Variants in FOXN4 observed in about 807,000 individuals in gnomAD.
FOXN4 encodes forkhead box protein N4.
FOXN4 carries 12 observed loss-of-function variants against 45.0 expected under a neutral mutation model. The ratio of observed to expected loss-of-function variants is 0.27; its 90% CI spans 0.17 to 0.43. FOXN4 has a LOEUF of 0.43. FOXN4 is among the 20% of genes least tolerant of loss of function. FOXN4 has a pLI of 1.00. For synonymous variants in FOXN4, 297 were observed against 295.0 expected, an observed-to-expected ratio of 1.01 and a Z score of -0.07; for missense variants, 560 against 694.9, an observed-to-expected ratio of 0.81 and a Z score of 2.18.
chr12:109,280,811 T>G (rs932738753), intron 9 of FOXN4, among the ~76,000 whole-genome samples: 1 of 152,222 alleles, frequency 6.6e-6, no homozygotes, highest in Non-Finnish European at 1.5e-5. Flanking sequence ...GAAATTCCCT[T>G]GTTCGTTCAT....
At chr12:109,282,252 G>A (rs1216535278) in intron 8 of FOXN4, among the ~76,000 whole-genome samples, 1 of 152,122 alleles carries the variant, frequency 6.6e-6, no homozygotes, top group Non-Finnish European at 1.5e-5. Flanking sequence ...TTCAAGATTA[G>A]CCTGAACAAC....
chr12:109,280,282 G>C (rs1412407288), intron 9 of FOXN4, among the ~76,000 whole-genome samples: 2 of 148,528 alleles, frequency 1.3e-5, no homozygotes, highest in Middle Eastern at 7.1e-3. Context: ...GTTGGAGGCT[G>C]CAGTGAGCAG....
chr12:109,286,783 A>ACAGGG (rs929790101), intron 6 of FOXN4, 39 bp from the exon 7 acceptor site: 113 of 1,574,564 alleles, frequency 7.2e-5, no homozygotes, highest in Non-Finnish European at 8.7e-5. Context: ...GCAGGGCAGG[A>ACAGGG]CAGGGCAGGC....
intron 7 of FOXN4, 45 bp downstream of exon 7, chr12:109,286,603 G>A: frequency 1.9e-6 from 3 of 1,560,394 alleles, no homozygotes; most frequent in Non-Finnish European, 1.7e-6. Flanking sequence ...GCACCAGGAA[G>A]AGACCAGGGC....
chr12:109,299,561 T>C (rs1044371352), intron 2 of FOXN4, among the ~76,000 whole-genome samples: 2 of 152,066 alleles, frequency 1.3e-5, no homozygotes, highest in Non-Finnish European at 2.9e-5. Flanking sequence ...CCTCCCTCCT[T>C]AGGCCTCGAT....
intron 8 of FOXN4, among the ~76,000 whole-genome samples, chr12:109,283,781 T>C (rs913578670): frequency 3.9e-5 from 6 of 152,206 alleles, no homozygotes; most frequent in African/African-American, 1.4e-4. Context: ...CGGCCTAACA[T>C]TTATTTATGT....
At chr12:109,294,718 T>G (rs920221) in intron 2 of FOXN4, among the ~76,000 whole-genome samples, 80,437 of 151,666 alleles carry the variant, frequency 0.53, 21,970 homozygotes, top group African/African-American at 0.63. Flanking sequence ...CATGGCAAGG[T>G]CCAGGGGCTG....
chr12:109,290,165 G>C lies in FOXN4; in HGVS notation c.208C>G (p.Pro70Ala), dbSNP rs1163850796. The change falls in exon 3 of 10, where the codon CCC becomes GCC. Residue 70 changes from proline to alanine, a missense_variant. Coordinates refer to ENST00000299162, the MANE Select transcript of FOXN4 (RefSeq NM_213596.3). The surrounding 1 kb of genome is among the most constrained non-coding windows in gnomAD (Gnocchi z 5.1). The part of the protein sequence containing the change: ...MASGRVDLGG[P>A]CVPHPHPGAL... The stretch of plus-strand genomic sequence containing the variant: ...CCTGGGTGTGGATGTGGCACGCAGG[G>C]GCCACCCAGGTCCACGCGGCCACTT... 6.4e-7 allele frequency: 1 copy of C among 1,550,656 alleles called. No homozygotes were observed. The highest frequency in any genetic ancestry group is 1.4e-5 in the African/African-American group (1 of 73,110).
chr12:109,284,781 G>A (rs2047688360), intron 8 of FOXN4, among the ~76,000 whole-genome samples: 1 of 151,122 alleles, frequency 6.6e-6, no homozygotes, highest in African/African-American at 2.4e-5. Context: ...GTGTGCATTT[G>A]TGTGTGTGCG....
At chr12:109,280,397 G>A (rs2047641866) in intron 9 of FOXN4, among the ~76,000 whole-genome samples, 2 of 150,244 alleles carry the variant, frequency 1.3e-5, no homozygotes, top group Admixed American at 6.6e-5. Flanking sequence ...CAGCAGCCCC[G>A]GGCCCTCACC....
intron 9 of FOXN4, among the ~76,000 whole-genome samples, chr12:109,281,027 T>G (rs1011414667): frequency 6.6e-6 from 1 of 152,182 alleles, no homozygotes; most frequent in Admixed American, 6.5e-5. Context: ...GTTTCCTCAT[T>G]GGCAGAACAG....
At chr12:109,297,144 A>G (rs1005004718) in intron 2 of FOXN4, among the ~76,000 whole-genome samples, 1 of 152,096 alleles carries the variant, frequency 6.6e-6, no homozygotes, top group African/African-American at 2.4e-5. Flanking sequence ...GAGGTCAACA[A>G]CCTCCAGGCT....
At chr12:109,285,604 G>A (rs2047702573) in intron 7 of FOXN4, 93 bp from the exon 8 acceptor site, 15 of 1,299,032 alleles carry the variant, frequency 1.2e-5, no homozygotes, top group Non-Finnish European at 1.3e-5. Context: ...GCAGGACACC[G>A]CGGTGGCAGG....
At chr12:109,301,561 A>G (rs1014676345) in intron 2 of FOXN4, among the ~76,000 whole-genome samples, 1 of 152,172 alleles carries the variant, frequency 6.6e-6, no homozygotes, top group African/African-American at 2.4e-5. Flanking sequence ...ACTCATCTTA[A>G]GATCACTGTA....
rs979439530 is a variant in FOXN4 at position 109,290,230 on chromosome 12, C to T, written c.143G>A (p.Trp48Ter). 1 of 1,551,528 alleles carries T rather than the reference C, an allele frequency of 6.4e-7. No homozygotes were observed. The highest frequency in any genetic ancestry group is 8.7e-7 in the Non-Finnish European group (1 of 1,146,928). ...CCGAGGCACATCCACCGCCGTGAGC[C>T]ACGACAGCGACTGCAGGTCCCCGGG... The part of the protein sequence containing the change: ...DLPGDLQSLS[W>*]LTAVDVPRLQ... The change falls in exon 3 of 10, where the codon TGG (tryptophan) becomes TAG (stop). Residue 48 changes from tryptophan to a stop codon, truncating the protein, a stop_gained. Transcript: ENST00000299162. LOFTEE classifies it high-confidence loss of function. The surrounding 1 kb of genome is among the most constrained non-coding windows in gnomAD (Gnocchi z 5.1).
intron 2 of FOXN4, among the ~76,000 whole-genome samples, chr12:109,307,203 C>T (rs2047928978): frequency 6.6e-6 from 1 of 152,250 alleles, no homozygotes. Flanking sequence ...TCTGTCCCAG[C>T]AGGCACTCCT....
intron 2 of FOXN4, among the ~76,000 whole-genome samples, chr12:109,295,598 C>T (rs1566002712): frequency 6.6e-6 from 1 of 152,224 alleles, no homozygotes; most frequent in Non-Finnish European, 1.5e-5. Context: ...CCAGCCTGGC[C>T]AACATGGCGA....
Position 109,279,818 on chromosome 12 carries a change from C to T in FOXN4, c.1407G>A (p.Ser469=), listed in dbSNP as rs374897814. 4.3e-5 allele frequency: 70 copies of T among 1,612,788 alleles called. 1 individual carries two copies. Among genetic ancestry groups the T allele is most frequent in the African/African-American group, 2.5e-4 (19 of 75,050 alleles). ...CTGGGAAGGACTGGTCGCTGCCACC[C>T]GAGGCAGGGGTTAGGCCTGAGGCCC... The part of the protein sequence containing the change: ...DLGASGLTPA[S]GGSDQSFPDL... Residue 469 remains serine, a synonymous_variant, in exon 10 of 10, where the codon TCG becomes TCA. Coordinates refer to ENST00000299162, the MANE Select transcript of FOXN4 (RefSeq NM_213596.3).
At position 109,291,174 on chromosome 12, in the gene FOXN4, A is replaced by G. The variant is rs2047764066; in HGVS notation, c.87-888T>C. On this transcript the variant is annotated intron_variant, in intron 2 of 9. Coordinates refer to ENST00000299162, the MANE Select transcript of FOXN4 (RefSeq NM_213596.3). The surrounding 1 kb of genome is among the most constrained non-coding windows in gnomAD (Gnocchi z 6.6). ...ACATCGGTTGTAGTGGATGTAGGAT[A>G]GCTGCCCATGGAGGTGCCAGACAGG... is the stretch of plus-strand genomic sequence containing the variant. 6.6e-6 allele frequency among the ~76,000 whole-genome samples: 1 copy of G among 152,098 alleles called. No individual in the cohort carries two copies. Among genetic ancestry groups the G allele is most frequent in the African/African-American group, 2.4e-5 (1 of 41,424 alleles).
Sources: gnomAD v4.1 joint callset for allele counts (sites outside exome capture counted in the v4.1 genomes callset) on GRCh38, gnomAD v4.1.1 for gene constraint, Gnocchi (gnomAD v3.1) non-coding constraint, MANE v1.5 for transcripts, NCBI Gene and HGNC (gene_info 2026-07-23, HGNC 2026-07-21) for gene names.